The following SLC9A1 variants were observed in gnomAD, a reference collection of about 807,000 sequenced individuals.
SLC9A1 encodes the protein solute carrier family 9 member A1, also known as sodium/hydrogen exchanger 1.
A neutral mutation model predicts 67.9 loss-of-function variants in SLC9A1; 22 were observed. That is an observed-to-expected ratio of 0.32 (90% CI 0.23 to 0.46). SLC9A1 has a LOEUF of 0.46. SLC9A1 is among the 20% of genes least tolerant of loss of function. The pLI, the probability that SLC9A1 is intolerant of heterozygous loss-of-function variation, is 1.00. For synonymous variants in SLC9A1, 421 were observed against 471.8 expected, an observed-to-expected ratio of 0.89 and a Z score of 1.40; for missense variants, 686 against 1,094.8, an observed-to-expected ratio of 0.63 and a Z score of 5.27.
chr1:27,146,555 G>A (rs549747936), intron 1 of SLC9A1, among the ~76,000 whole-genome samples: 1 of 152,254 alleles, frequency 6.6e-6, no homozygotes, highest in African/African-American at 2.4e-5. Flanking sequence ...GACAAATCTG[G>A]GCTTAAACCC....
chr1:27,103,076 A>G (rs2083159325), intron 6 of SLC9A1, 147 bp downstream of exon 6: 2 of 684,176 alleles, frequency 2.9e-6, no homozygotes, highest in Admixed American at 2.2e-5. Flanking sequence ...CTATGGCTAG[A>G]CCCTGGCGGC....
At chr1:27,131,834 C>T (rs1349422481) in intron 1 of SLC9A1, among the ~76,000 whole-genome samples, 1 of 148,316 alleles carries the variant, frequency 6.7e-6, no homozygotes, top group South Asian at 2.1e-4. Flanking sequence ...GGCAGGAGAA[C>T]TGCTTGAACC....
In SLC9A1 at chr1:27,114,557, T is replaced by G. The variant is rs964504934; in HGVS notation, c.353-271A>C. On this transcript the variant is annotated intron_variant, in intron 1 of 11. Transcript: ENST00000263980. This position sits in a 1 kb window ranked among gnomAD's most constrained non-coding sequence, Gnocchi z 5.4. ...GATATATACATGCTATCTCTGTCAC[T>G]GTCATAAAATGTTAGAAAGCAGCAG... Among the ~76,000 whole-genome samples, 2 of 152,206 alleles carry G rather than the reference T, an allele frequency of 1.3e-5. No homozygotes were observed. Among genetic ancestry groups the G allele is most frequent in the African/African-American group, 4.8e-5 (2 of 41,450 alleles).
At chr1:27,108,681 TGA>T (rs2083206921) in intron 3 of SLC9A1, among the ~76,000 whole-genome samples, 1 of 151,914 alleles carries the variant, frequency 6.6e-6, no homozygotes, top group African/African-American at 2.4e-5. Context: ...AATAAAAAAA[TGA>T]GAGATCTGAC....
At position 27,101,891 on chromosome 1, in the gene SLC9A1, G is replaced by A; in HGVS notation, c.1936-65C>T. ...AGGCTCTGCTCATGGAGGGGTGGGG[G>A]CAGTGCTGGAGGCCGGGCCAGTCCT... On this transcript the variant is annotated intron_variant, in intron 9 of 11. Coordinates refer to ENST00000263980, the MANE Select transcript of SLC9A1 (RefSeq NM_003047.5). This position sits in a 1 kb window ranked among gnomAD's most constrained non-coding sequence, Gnocchi z 4.9. 1 of 1,458,456 alleles carries A rather than the reference G, an allele frequency of 6.9e-7. No homozygotes were observed. 90.3% of individuals were successfully genotyped at this position (1,458,456 alleles called of 1,614,324 possible). A position where few individuals can be genotyped will look rare whatever the true frequency, so the allele number is the denominator to read the frequency against.
intron 1 of SLC9A1, among the ~76,000 whole-genome samples, chr1:27,132,581 C>T (rs988327862): frequency 6.6e-6 from 1 of 152,098 alleles, no homozygotes; most frequent in Non-Finnish European, 1.5e-5. Flanking sequence ...AGGTGAGGAC[C>T]ACTCAAAATG....
intron 1 of SLC9A1, among the ~76,000 whole-genome samples, chr1:27,122,191 C>T (rs1038722708): frequency 1.3e-5 from 2 of 152,126 alleles, no homozygotes; most frequent in Non-Finnish European, 2.9e-5. Context: ...GGAGCCACAC[C>T]CCCGCCCTCC....
intron 1 of SLC9A1, among the ~76,000 whole-genome samples, chr1:27,117,615 G>A (rs572511640): frequency 1.3e-4 from 20 of 152,256 alleles, no homozygotes; most frequent in African/African-American, 4.6e-4. Flanking sequence ...ACATGAAGAC[G>A]GCTCCTCAGG....
At chr1:27,102,226 G>T in intron 8 of SLC9A1, 96 bp from the exon 9 acceptor site, 1 of 1,338,112 alleles carries the variant, frequency 7.5e-7, no homozygotes, top group Admixed American at 1.8e-5. Flanking sequence ...GGATGACCCA[G>T]GTGGGCGCCA....
At chr1:27,105,829 G>A (rs554541968) in intron 5 of SLC9A1, 56 bp downstream of exon 5, 59 of 1,438,134 alleles carry the variant, frequency 4.1e-5, no homozygotes, top group Non-Finnish European at 5.3e-5. Context: ...CTCTTTCCAC[G>A]GGAACAGCCT....
In SLC9A1 at chr1:27,154,775, G is replaced by C. The variant is rs1190009011; in HGVS notation, c.-441C>G. The C allele has an allele frequency of 6.4e-6, 1 of 155,182 alleles. No individual in the cohort carries two copies. Among genetic ancestry groups the C allele is most frequent in the Non-Finnish European group, 1.4e-5 (1 of 69,966 alleles). The allele number at this position is 155,182 out of a possible 1,614,324, so 9.6% of individuals were successfully genotyped here. A position where few individuals can be genotyped will look rare whatever the true frequency, so the allele number is the denominator to read the frequency against. On this transcript the variant is annotated 5_prime_UTR_variant, in exon 1 of 12. Transcript: ENST00000263980. ...AAGGGGTAGGGAGCCTGAGCTAAAGGAAGGGGACCGAAGGGGGTGAGAGCC... is the reference window on the plus strand; with the variant it reads ...AAGGGGTAGGGAGCCTGAGCTAAAGCAAGGGGACCGAAGGGGGTGAGAGCC...
chr1:27,132,177 G>A (rs549799577), intron 1 of SLC9A1, among the ~76,000 whole-genome samples: 13 of 151,992 alleles, frequency 8.6e-5, no homozygotes, highest in African/African-American at 3.1e-4. Context: ...ACGAGCCACA[G>A]AGAAAATGAT....
Position 27,114,326 on chromosome 1 carries a change from A to T in SLC9A1, c.353-40T>A, listed in dbSNP as rs367881059. The T allele has an allele frequency of 1.3e-6, 2 of 1,531,822 alleles. No homozygotes were observed. The highest frequency in any genetic ancestry group is 2.7e-5 in the African/African-American group (2 of 72,964). The allele number at this position is 1,531,822 out of a possible 1,614,324, so 94.9% of individuals were successfully genotyped here. ...AGAACGGGAGGCCATGGGCTTTCGGAGGAGCCAGGAGAATAGAAGGTTGGG... is the reference window on the plus strand; with the variant it reads ...AGAACGGGAGGCCATGGGCTTTCGGTGGAGCCAGGAGAATAGAAGGTTGGG... On this transcript the variant is annotated intron_variant, in intron 1 of 11. Coordinates refer to ENST00000263980, the MANE Select transcript of SLC9A1 (RefSeq NM_003047.5). This position sits in a 1 kb window ranked among gnomAD's most constrained non-coding sequence, Gnocchi z 5.4.
chr1:27,112,623 C>G (rs772087724), intron 2 of SLC9A1, among the ~76,000 whole-genome samples: 1 of 152,182 alleles, frequency 6.6e-6, no homozygotes, highest in South Asian at 2.1e-4. Context: ...GTGGCTCATG[C>G]CTGTAATCCC....
At chr1:27,108,569 T>C (rs964621448) in intron 3 of SLC9A1, among the ~76,000 whole-genome samples, 4 of 151,974 alleles carry the variant, frequency 2.6e-5, no homozygotes, top group Admixed American at 6.6e-5. Flanking sequence ...TCCCACCTAA[T>C]TGAGAGGTTG....
At chr1:27,103,127 G>T in intron 6 of SLC9A1, 96 bp downstream of exon 6, 2 of 929,912 alleles carry the variant, frequency 2.2e-6, no homozygotes, top group Non-Finnish European at 3.5e-6. Context: ...GGCACAGGGA[G>T]AAGGGGCTGA....
rs1282830587 is a variant in SLC9A1, at chr1:27,103,219, G to C, written c.1575+4C>G. ...AACCAAGGGCCCAGCCCGCACTCCA[G>C]TACCTGTGTGTGGATCTCTTCGTTG... On this transcript the variant is annotated splice_donor_region_variant and intron_variant, in intron 6 of 11. Coordinates refer to ENST00000263980, the MANE Select transcript of SLC9A1 (RefSeq NM_003047.5). 1.2e-6 allele frequency: 2 copies of C among 1,608,688 alleles called. 1 individual carries two copies. Among genetic ancestry groups the C allele is most frequent in the Non-Finnish European group, 1.7e-6 (2 of 1,175,046 alleles).
rs1364003931 is a variant in SLC9A1 at position 27,106,996 on chromosome 1, A to G, written c.1282+652T>C. 6.6e-6 allele frequency among the ~76,000 whole-genome samples: 1 copy of G among 151,472 alleles called. No homozygotes were observed. The highest frequency in any genetic ancestry group is 1.5e-5 in the Non-Finnish European group (1 of 67,846). On this transcript the variant is annotated intron_variant, in intron 4 of 11. Transcript: ENST00000263980. The surrounding 1 kb of genome is among the most constrained non-coding windows in gnomAD (Gnocchi z 4.3). The stretch of plus-strand genomic sequence containing the variant: ...GCTTCTCCCTGCTGAAGGGCCCATC[A>G]TGGAAATGGGAAGTCCCTCCTGTCT...
chr1:27,135,579 C>T (rs1351897937), intron 1 of SLC9A1, among the ~76,000 whole-genome samples: 3 of 145,248 alleles, frequency 2.1e-5, no homozygotes, highest in African/African-American at 7.7e-5. Flanking sequence ...CACCTGCTCT[C>T]TGAGTCAAAA....
Sources: gnomAD v4.1 joint callset for allele counts (sites outside exome capture counted in the v4.1 genomes callset) on GRCh38, gnomAD v4.1.1 for gene constraint, Gnocchi (gnomAD v3.1) non-coding constraint, MANE v1.5 for transcripts, NCBI Gene and HGNC (gene_info 2026-07-23, HGNC 2026-07-21) for gene names.